Variants in ARHGEF28 observed in about 807,000 individuals in gnomAD.
The protein encoded by ARHGEF28 is Rho guanine nucleotide exchange factor 28.
In ARHGEF28, 152 loss-of-function variants were observed where a neutral mutation model predicts 206.6. The observed-to-expected ratio is 0.74, with a 90% confidence interval of 0.64 to 0.84. The LOEUF is 0.84. ARHGEF28 is among the 40% of genes least tolerant of loss of function. The pLI, the probability that ARHGEF28 is intolerant of heterozygous loss-of-function variation, is 0.00. For synonymous variants in ARHGEF28, 763 were observed against 776.4 expected (o/e 0.98, Z 0.29); for missense variants, 2,028 against 2,073.2 (o/e 0.98, Z 0.42).
At chr5:73,936,312 G>C (rs1180930509) in intron 35 of ARHGEF28, among the ~76,000 whole-genome samples, 1 of 152,194 alleles carries the variant, frequency 6.6e-6, no homozygotes, top group African/African-American at 2.4e-5. Flanking sequence ...TTTGAGGATT[G>C]TGTGTGGGCT....
At position 73,770,676 on chromosome 5, in the gene ARHGEF28, T is replaced by G. The variant is rs112203212; in HGVS notation, c.476-3179T>G. ...TTATATATGTCATGATGCTTCCTAT[T>G]TCAAGCTGTTTGCCTCGCTCTGCAC... On this transcript the variant is annotated intron_variant, in intron 4 of 35. Transcript: ENST00000513042. Among the ~76,000 whole-genome samples the G allele has an allele frequency of 6.7e-4, 102 of 152,322 alleles. 2 individuals are homozygous for G. The highest frequency in any genetic ancestry group is 2.3e-3 in the African/African-American group (97 of 41,578).
intron 2 of ARHGEF28, among the ~76,000 whole-genome samples, chr5:73,686,541 C>T (rs1404818087): frequency 4.9e-5 from 7 of 144,044 alleles, no homozygotes; most frequent in South Asian, 4.4e-4. Context: ...TTTTTCGAGA[C>T]GGAGTCTGGC....
intron 10 of ARHGEF28, among the ~76,000 whole-genome samples, chr5:73,838,781 C>T (rs1485827358): frequency 1.3e-5 from 2 of 152,282 alleles, no homozygotes; most frequent in East Asian, 3.9e-4. Context: ...CTTACGTAAG[C>T]ACAGTACAGT....
At chr5:73,747,543 A>T (rs66488459) in intron 2 of ARHGEF28, among the ~76,000 whole-genome samples, 36,799 of 152,020 alleles carry the variant, frequency 0.24, 5,032 homozygotes, top group Non-Finnish European at 0.31. Flanking sequence ...TTTCATCTTC[A>T]TATTTTCTTT....
chr5:73,858,017 A>G, intron 15 of ARHGEF28, 70 bp from the exon 16 acceptor site: 1 of 1,537,364 alleles, frequency 6.5e-7, no homozygotes, highest in East Asian at 2.2e-5. Context: ...TTTCTATAAG[A>G]AAGTTGGCTC....
At chr5:73,938,026 C>A (rs532225635) in intron 35 of ARHGEF28, among the ~76,000 whole-genome samples, 3 of 152,150 alleles carry the variant, frequency 2.0e-5, no homozygotes, top group Non-Finnish European at 4.4e-5. Flanking sequence ...CAACCACAAC[C>A]ACCTCCAGTA....
chr5:73,873,415 C>G (rs1039318769), intron 22 of ARHGEF28, among the ~76,000 whole-genome samples, 169 bp downstream of exon 22: 1 of 151,974 alleles, frequency 6.6e-6, no homozygotes, highest in Admixed American at 6.6e-5. Context: ...GGCAGGGATT[C>G]TTGGCTATTT....
At chr5:73,726,548 A>G (rs945565289) in intron 2 of ARHGEF28, among the ~76,000 whole-genome samples, 2 of 152,248 alleles carry the variant, frequency 1.3e-5, no homozygotes, top group African/African-American at 4.8e-5. Flanking sequence ...TAGGTAAATT[A>G]GTTCGGTGCA....
At chr5:73,726,552 C>T (rs978703320) in intron 2 of ARHGEF28, among the ~76,000 whole-genome samples, 3 of 152,118 alleles carry the variant, frequency 2.0e-5, no homozygotes, top group Non-Finnish European at 2.9e-5. Flanking sequence ...TAAATTAGTT[C>T]GGTGCAAAAG....
At chr5:73,924,764 T>C (rs1458847630) in intron 35 of ARHGEF28, among the ~76,000 whole-genome samples, 1 of 152,180 alleles carries the variant, frequency 6.6e-6, no homozygotes, top group Non-Finnish European at 1.5e-5. Context: ...GGCACAACTT[T>C]TCCCAAACTT....
At position 73,710,712 on chromosome 5, in the gene ARHGEF28, AT is replaced by A. The variant is rs1046841706; in HGVS notation, c.33+25836del. On this transcript the variant is annotated intron_variant, in intron 2 of 35. Coordinates refer to ENST00000513042, the MANE Select transcript of ARHGEF28 (RefSeq NM_001177693.2). ...TTAGATCTGTGATACCTCTGAATTAATTTTTTTTAAGACAGAGTCTTTCTCT... is the reference window on the plus strand; with the variant it reads ...TTAGATCTGTGATACCTCTGAATTAATTTTTTTAAGACAGAGTCTTTCTCT... Among the ~76,000 whole-genome samples the A allele has an allele frequency of 3.9e-5, 6 of 152,094 alleles. No homozygotes were observed. In the South Asian group the frequency reaches 1.0e-3, roughly 26 times the overall value.
At chr5:73,744,227 C>T (rs565144744) in intron 2 of ARHGEF28, among the ~76,000 whole-genome samples, 46 of 152,254 alleles carry the variant, frequency 3.0e-4, no homozygotes, top group African/African-American at 9.1e-4. Flanking sequence ...TTCCTTTTAA[C>T]GAAGTACTTC....
rs539140094 is a variant in ARHGEF28, at chr5:73,941,779, C to T, written c.*766C>T. The T allele has an allele frequency of 6.6e-6, 1 of 152,308 alleles. No individual in the cohort carries two copies. Among genetic ancestry groups the T allele is most frequent in the Non-Finnish European group, 1.5e-5 (1 of 68,058 alleles). 9.4% of individuals were successfully genotyped at this position (152,308 alleles called of 1,614,324 possible). ...AGCACCTGGAGCACCAACTACCACT[C>T]CCTGGAAAGAACCCTTCCCTGCAGT... On this transcript the variant is annotated 3_prime_UTR_variant, in exon 36 of 36. Transcript: ENST00000513042.
At chr5:73,745,433 G>A (rs1751670842) in intron 2 of ARHGEF28, among the ~76,000 whole-genome samples, 1 of 152,018 alleles carries the variant, frequency 6.6e-6, no homozygotes, top group African/African-American at 2.4e-5. Context: ...AAAAACATTT[G>A]TTACCTTTTT....
At chr5:73,772,290 G>A (rs1753265049) in intron 4 of ARHGEF28, among the ~76,000 whole-genome samples, 1 of 152,170 alleles carries the variant, frequency 6.6e-6, no homozygotes, top group African/African-American at 2.4e-5. Context: ...TGGTATGGGA[G>A]AACACCACCT....
intron 1 of ARHGEF28, among the ~76,000 whole-genome samples, chr5:73,664,180 AAC>A (rs1294427969): frequency 1.3e-5 from 2 of 152,190 alleles, no homozygotes; most frequent in Non-Finnish European, 2.9e-5. Flanking sequence ...TTTTTCTACC[AAC>A]ACAGCTGTGG....
At chr5:73,762,074 C>G (rs539759107) in intron 4 of ARHGEF28, among the ~76,000 whole-genome samples, 3 of 151,262 alleles carry the variant, frequency 2.0e-5, no homozygotes, top group African/African-American at 7.3e-5. Flanking sequence ...CTCAAACGAT[C>G]CTCCTACCTC....
At chr5:73,937,753 A>G (rs1764497708) in intron 35 of ARHGEF28, among the ~76,000 whole-genome samples, 2 of 152,146 alleles carry the variant, frequency 1.3e-5, no homozygotes, top group African/African-American at 2.4e-5. Context: ...GTGAGGTTTA[A>G]TATTAACAAA....
intron 2 of ARHGEF28, among the ~76,000 whole-genome samples, chr5:73,690,632 A>C (rs987764160): frequency 5.3e-5 from 8 of 151,906 alleles, no homozygotes; most frequent in African/African-American, 1.7e-4. Flanking sequence ...AAGGAGTTCA[A>C]GGCTGCAGTG....
Sources: allele counts gnomAD v4.1 joint callset (sites outside exome capture counted in the v4.1 genomes callset), GRCh38; gene constraint gnomAD v4.1.1; transcripts MANE v1.5; gene names NCBI Gene and HGNC (gene_info 2026-07-23, HGNC 2026-07-21).